WWOX: variants seen among roughly 807,000 people sequenced by gnomAD.
WWOX encodes the protein WW domain-containing oxidoreductase.
WWOX carries 69 observed loss-of-function variants against 46.2 expected under a neutral mutation model. That is an observed-to-expected ratio of 1.49 (90% CI 1.23 to 1.82). WWOX has a LOEUF of 1.82. Among genes scored for constraint, WWOX ranks in the 40% most tolerant of loss-of-function variants. The pLI is 0.00. For synonymous variants in WWOX, 359 were observed against 202.6 expected (o/e 1.77, Z -6.56); for missense variants, 919 against 542.6 (o/e 1.69, Z -6.89).
chr16:78,254,484 C>G (rs1461509603), intron 5 of WWOX, among the ~76,000 whole-genome samples: 1 of 96,436 alleles, frequency 1.0e-5, no homozygotes, highest in African/African-American at 4.6e-5. Context: ...CATCACTTTT[C>G]TTTTTCTTTT....
At chr16:78,659,694 C>T (rs966241404) in intron 8 of WWOX, among the ~76,000 whole-genome samples, 1 of 152,120 alleles carries the variant, frequency 6.6e-6, no homozygotes, top group African/African-American at 2.4e-5. Flanking sequence ...CTTTTCCTTC[C>T]CATTTTACCA....
chr16:78,188,333 C>G (rs1329111356), intron 5 of WWOX, among the ~76,000 whole-genome samples: 4 of 151,830 alleles, frequency 2.6e-5, no homozygotes, highest in Non-Finnish European at 5.9e-5. Flanking sequence ...ACTAAAAATA[C>G]AAAAAATTAG....
At chr16:78,640,034 A>T (rs1363412966) in intron 8 of WWOX, among the ~76,000 whole-genome samples, 1 of 152,142 alleles carries the variant, frequency 6.6e-6, no homozygotes, top group Non-Finnish European at 1.5e-5. Flanking sequence ...ACAGATAGGA[A>T]AGTGACACAG....
intron 5 of WWOX, among the ~76,000 whole-genome samples, chr16:78,242,881 G>A (rs533906189): frequency 5.3e-5 from 8 of 152,196 alleles, no homozygotes; most frequent in South Asian, 2.1e-4. Context: ...GGTGGTGTGC[G>A]CCTGTAATTC....
chr16:78,870,876 A>G (rs7185504), intron 8 of WWOX, among the ~76,000 whole-genome samples: 15,842 of 152,208 alleles, frequency 0.1, 969 homozygotes, highest in South Asian at 0.19. Flanking sequence ...TGCTAGGATT[A>G]TAGGCATGAG....
At chr16:78,615,978 C>T (rs1487944146) in intron 8 of WWOX, among the ~76,000 whole-genome samples, 1 of 152,144 alleles carries the variant, frequency 6.6e-6, no homozygotes, top group Non-Finnish European at 1.5e-5. Flanking sequence ...TCTCGATCTC[C>T]TGACCTCGTG....
chr16:78,561,119 G>C (rs1198582554), intron 8 of WWOX, among the ~76,000 whole-genome samples: 1 of 152,108 alleles, frequency 6.6e-6, no homozygotes, highest in Non-Finnish European at 1.5e-5. Context: ...GTAAGACTAG[G>C]GCCCCTGTTT....
At chr16:79,199,558 T>C (rs987840581) in intron 8 of WWOX, among the ~76,000 whole-genome samples, 2 of 152,222 alleles carry the variant, frequency 1.3e-5, no homozygotes, top group African/African-American at 4.8e-5. Flanking sequence ...TCAGTTTTCC[T>C]ATTAATACAA....
At chr16:78,167,641 CATTAT>C (rs1291345422) in intron 5 of WWOX, 3 of 152,088 alleles carry the variant, frequency 2.0e-5, no homozygotes, top group Non-Finnish European at 4.4e-5. Flanking sequence ...CTCTGTATGC[CATTAT>C]ATTGTGTTCC....
intron 8 of WWOX, among the ~76,000 whole-genome samples, chr16:79,186,376 G>A (rs1362148279): frequency 1.4e-4 from 22 of 152,112 alleles, no homozygotes. Context: ...TCTCGCTTCC[G>A]GTGGTTCAGT....
At chr16:78,826,191 C>G (rs1267752162) in intron 8 of WWOX, among the ~76,000 whole-genome samples, 3 of 152,190 alleles carry the variant, frequency 2.0e-5, no homozygotes, top group Non-Finnish European at 4.4e-5. Context: ...CCTGTCTCTA[C>G]TAAAAATACA....
chr16:78,260,381 C>A (rs984878189), intron 5 of WWOX, among the ~76,000 whole-genome samples: 1 of 151,636 alleles, frequency 6.6e-6, no homozygotes, highest in African/African-American at 2.4e-5. Flanking sequence ...AAATGTAAGG[C>A]TCATTTACAT....
chr16:78,678,939 G>A (rs2047665905), intron 8 of WWOX, among the ~76,000 whole-genome samples: 3 of 152,106 alleles, frequency 2.0e-5, no homozygotes, highest in Admixed American at 2.0e-4. Flanking sequence ...TTCAGAGTGG[G>A]CCTGGCATAC....
At chr16:78,765,603 C>T (rs781477714) in intron 8 of WWOX, among the ~76,000 whole-genome samples, 10 of 151,902 alleles carry the variant, frequency 6.6e-5, no homozygotes, top group Non-Finnish European at 1.0e-4. Context: ...TGCTTGAACC[C>T]GGGAGGCAGA....
At chr16:78,972,340 G>T (rs1271388009) in intron 8 of WWOX, among the ~76,000 whole-genome samples, 1 of 152,132 alleles carries the variant, frequency 6.6e-6, no homozygotes, top group Non-Finnish European at 1.5e-5. Context: ...GGCTTTATTG[G>T]ATGGGAGCCG....
chr16:78,498,898 C>T (rs952893168), intron 8 of WWOX, among the ~76,000 whole-genome samples: 8 of 152,102 alleles, frequency 5.3e-5, no homozygotes, highest in African/African-American at 1.9e-4. Context: ...AGGCAACTTC[C>T]TCGATTGTCT....
At chr16:79,074,411 T>TTTTTTTC (rs2048613555) in intron 8 of WWOX, among the ~76,000 whole-genome samples, 1 of 43,696 alleles carries the variant, frequency 2.3e-5, no homozygotes, top group Non-Finnish European at 4.3e-5. Context: ...CACTAGTCCT[T>TTTTTTTC]TTTTTTTTTT....
At chr16:78,973,390 C>G (rs28757856) in intron 8 of WWOX, among the ~76,000 whole-genome samples, 20,530 of 152,142 alleles carry the variant, frequency 0.13, 2,166 homozygotes, top group African/African-American at 0.3. Context: ...ACGATCTCCA[C>G]TTTTAACAGC....
At chr16:79,011,454 TTTTATTTTA>T (rs1161641252) in intron 8 of WWOX, among the ~76,000 whole-genome samples, 1 of 142,206 alleles carries the variant, frequency 7.0e-6, no homozygotes, top group Non-Finnish European at 1.5e-5. Context: ...TTTTTTTATT[TTTTATTTTA>T]TTTATTTATT....
Sources: allele counts gnomAD v4.1 joint callset (sites outside exome capture counted in the v4.1 genomes callset), GRCh38; gene constraint gnomAD v4.1.1; transcripts MANE v1.5; gene names NCBI Gene and HGNC (gene_info 2026-07-23, HGNC 2026-07-21).